The following ANKRD55 variants were observed in gnomAD, a reference collection of about 807,000 sequenced individuals.
ANKRD55 encodes the protein ankyrin repeat domain 55.
A neutral mutation model predicts 60.6 loss-of-function variants in ANKRD55; 41 were observed. That is an observed-to-expected ratio of 0.68 (90% CI 0.53 to 0.88). The LOEUF (loss-of-function observed/expected upper bound fraction) is 0.88. Among genes scored for constraint, ANKRD55 ranks in the 40% least tolerant of loss-of-function variants. ANKRD55 has a pLI of 0.00. For missense variants in ANKRD55, 732 were observed against 767.6 expected, an observed-to-expected ratio of 0.95 and a Z score of 0.55; for synonymous variants, 264 against 290.3, an observed-to-expected ratio of 0.91 and a Z score of 0.92.
chr5:56,131,638 A>G (rs1757415487), intron 7 of ANKRD55, among the ~76,000 whole-genome samples: 1 of 151,976 alleles, frequency 6.6e-6, no homozygotes, highest in South Asian at 2.1e-4. Context: ...TCTGCTAAAA[A>G]TACAAAAATT....
At chr5:56,218,347 A>G (rs1167982516) in intron 2 of ANKRD55, among the ~76,000 whole-genome samples, 1 of 152,204 alleles carries the variant, frequency 6.6e-6, no homozygotes, top group Non-Finnish European at 1.5e-5. Flanking sequence ...ATCTTTTATG[A>G]AAGAAGGAGT....
intron 5 of ANKRD55, among the ~76,000 whole-genome samples, chr5:56,166,326 T>C (rs1209867850): frequency 6.6e-6 from 1 of 151,326 alleles, no homozygotes; most frequent in South Asian, 2.1e-4. Flanking sequence ...GGCACGATCA[T>C]AGCTCACCGC....
At position 56,224,991 on chromosome 5, in the gene ANKRD55, G is replaced by GCATCAAC. The variant is rs538853251; in HGVS notation, c.58+7858_58+7864dup. On this transcript the variant is annotated intron_variant, in intron 2 of 11. Coordinates refer to ENST00000341048, the MANE Select transcript of ANKRD55 (RefSeq NM_024669.3). ...CTCCCTAACTCATTTTATGAGGCCA[G>GCATCAAC]CATCAACCTGATACCAAAGCCTGGC... is the stretch of plus-strand genomic sequence containing the variant. Among the ~76,000 whole-genome samples, 13 of 152,278 alleles carry GCATCAAC rather than the reference G, an allele frequency of 8.5e-5. No homozygotes were observed. In the East Asian group the frequency reaches 2.5e-3, roughly 29 times the overall value.
rs559746749 is a variant in ANKRD55, at chr5:56,232,015, A to G, written c.58+841T>C. Among the ~76,000 whole-genome samples the G allele has an allele frequency of 1.6e-4, 24 of 152,370 alleles. No homozygotes were observed. In the East Asian group the frequency reaches 4.4e-3, roughly 28 times the overall value. On this transcript the variant is annotated intron_variant, in intron 2 of 11. Coordinates refer to ENST00000341048, the MANE Select transcript of ANKRD55 (RefSeq NM_024669.3). The stretch of plus-strand genomic sequence containing the variant: ...ATCTTGAAGAATATTCAGAGACTGT[A>G]GAAAGTGGTTTAAATAATAGATATT...
intron 2 of ANKRD55, among the ~76,000 whole-genome samples, chr5:56,185,201 C>T (rs1012227288): frequency 1.1e-4 from 17 of 151,710 alleles, no homozygotes; most frequent in Non-Finnish European, 2.5e-4. Context: ...CTAGCCTGGG[C>T]GACAGAGCGA....
In ANKRD55 at chr5:56,111,714, A is replaced by G. The variant is rs369102466; in HGVS notation, c.1034T>C (p.Val345Ala). 2 of 1,520,716 alleles carry G rather than the reference A, an allele frequency of 1.3e-6. No individual in the cohort carries two copies. The highest frequency in any genetic ancestry group is 1.8e-6 in the Non-Finnish European group (2 of 1,139,460). The allele number at this position is 1,520,716 out of a possible 1,614,324, so 94.2% of individuals were successfully genotyped here. A position where few individuals can be genotyped will look rare whatever the true frequency, so the allele number is the denominator to read the frequency against. The change falls in exon 10 of 12, where the codon GTG becomes GCG. Residue 345 changes from valine (V) to alanine (A), a missense_variant. By Grantham distance (64) the Val-to-Ala change is moderately conservative (BLOSUM62 0). Around this residue, in one of 3 missense-constraint regions of ANKRD55, gnomAD observed 597 missense variants for 607.5 expected, o/e 0.98. Transcript: ENST00000341048. ...RPQKKERRFN[V>A]LNQIFCKNKK... is the part of the protein sequence containing the mutation. ...GTTTTTGCAGAATATTTGGTTGAGC[A>G]CGTTGAACCGTCTCTCCTTCTTCTG...
intron 2 of ANKRD55, among the ~76,000 whole-genome samples, chr5:56,210,560 CAAAAAAAAAAAAA>C (rs59566826): frequency 6.1e-5 from 4 of 65,182 alleles, no homozygotes; most frequent in Non-Finnish European, 6.4e-5. Context: ...GACTACGTCT[CAAAAAAAAAAAAA>C]AAAAAAAAAA....
intron 2 of ANKRD55, among the ~76,000 whole-genome samples, chr5:56,205,083 CAG>C (rs1759467676): frequency 6.6e-6 from 1 of 151,550 alleles, no homozygotes; most frequent in Admixed American, 6.6e-5. Context: ...TCTTTTGAGA[CAG>C]AGTCTCACTC....
rs1343977513 is a variant in ANKRD55 at position 56,166,203 on chromosome 5, C to CCTTCCT, written c.422+4490_422+4491insAGGAAG. The stretch of plus-strand genomic sequence containing the variant: ...CTTCCTTCCTTCCTTCCTTCCTTCT[C>CCTTCCT]TCTCTCTCTCTCTCTTTCTTTCTTT... On this transcript the variant is annotated intron_variant, in intron 5 of 11. Transcript: ENST00000341048. Among the ~76,000 whole-genome samples, 67 of 84,598 alleles carry CCTTCCT rather than the reference C, an allele frequency of 7.9e-4. 4 individuals are homozygous for CCTTCCT. Among genetic ancestry groups the CCTTCCT allele is most frequent in the African/African-American group, 2.2e-3 (36 of 16,588 alleles). The allele number at this position is 84,598 out of a possible 152,430, so 55.5% of individuals were successfully genotyped here.
At chr5:56,112,319 A>G (rs967863863) in intron 9 of ANKRD55, among the ~76,000 whole-genome samples, 7 of 151,904 alleles carry the variant, frequency 4.6e-5, no homozygotes, top group African/African-American at 1.7e-4. Flanking sequence ...TCCCCCTCAG[A>G]GACCCCTCCC....
intron 5 of ANKRD55, among the ~76,000 whole-genome samples, chr5:56,169,586 TATA>T (rs1758560497): frequency 6.6e-6 from 1 of 152,218 alleles, no homozygotes; most frequent in South Asian, 2.1e-4. Flanking sequence ...CATAGTCCAA[TATA>T]ATAAGAGTCA....
intron 9 of ANKRD55, 77 bp downstream of exon 9, chr5:56,116,538 G>T: frequency 7.9e-7 from 1 of 1,257,900 alleles, no homozygotes; most frequent in Non-Finnish European, 1.0e-6. Context: ...TTTGCACCTT[G>T]GCAATTTAAA....
chr5:56,159,198 A>G (rs776958174), intron 6 of ANKRD55, among the ~76,000 whole-genome samples: 3 of 151,978 alleles, frequency 2.0e-5, no homozygotes, highest in African/African-American at 4.8e-5. Flanking sequence ...GCAGTGGCTC[A>G]TGCCTGTAAT....
chr5:56,174,272 C>T (rs140024098), intron 4 of ANKRD55, among the ~76,000 whole-genome samples: 9 of 152,298 alleles, frequency 5.9e-5, no homozygotes, highest in African/African-American at 2.2e-4. Flanking sequence ...CCTTGCATAG[C>T]TCTCTAGTCA....
chr5:56,144,752 A>G (rs1029712071), intron 6 of ANKRD55, among the ~76,000 whole-genome samples: 1 of 152,224 alleles, frequency 6.6e-6, no homozygotes, highest in Non-Finnish European at 1.5e-5. Flanking sequence ...AGCTTCTTTC[A>G]GAGTTCAGGG....
rs1165005774 is a variant in ANKRD55, at chr5:56,173,576, C to CTA, written c.312+2575_312+2576insTA. Among the ~76,000 whole-genome samples, 574 of 85,254 alleles carry CTA rather than the reference C, an allele frequency of 6.7e-3. 3 individuals are homozygous for CTA. Among genetic ancestry groups the CTA allele is most frequent in the Middle Eastern group, 9.1e-3 (1 of 110 alleles). 55.9% of individuals were successfully genotyped at this position (85,254 alleles called of 152,430 possible). On this transcript the variant is annotated intron_variant, in intron 4 of 11. Transcript: ENST00000341048. Reference sequence around the variant, plus strand: ...TCTCTCTCTCTCTCTCTCTCTCTCTCTCTCTCTATATATATATATATATAT... The same window carrying CTA: ...TCTCTCTCTCTCTCTCTCTCTCTCTCTATCTCTCTATATATATATATATATAT...
intron 7 of ANKRD55, among the ~76,000 whole-genome samples, chr5:56,129,863 T>C (rs1757364871): frequency 6.6e-6 from 1 of 152,166 alleles, no homozygotes; most frequent in African/African-American, 2.4e-5. Context: ...CGCTTATCCC[T>C]CCTAAAAAGC....
At chr5:56,149,278 G>A (rs2111771495) in intron 6 of ANKRD55, among the ~76,000 whole-genome samples, 1 of 152,164 alleles carries the variant, frequency 6.6e-6, no homozygotes, top group African/African-American at 2.4e-5. Context: ...CTCTGAGGTT[G>A]GATTTTAGGG....
intron 2 of ANKRD55, among the ~76,000 whole-genome samples, chr5:56,191,915 GAGAATTTCTAT>G (rs1759102927): frequency 1.3e-5 from 2 of 152,190 alleles, no homozygotes; most frequent in Admixed American, 1.3e-4. Context: ...AAACTGTACA[GAGAATTTCTAT>G]AGAAATGAGG....
Sources: allele counts gnomAD v4.1 joint callset (sites outside exome capture counted in the v4.1 genomes callset), GRCh38; gene constraint gnomAD v4.1.1; regional missense constraint gnomAD v4.1.1; transcripts MANE v1.5; gene names NCBI Gene and HGNC (gene_info 2026-07-23, HGNC 2026-07-21).